COX7A2L: variants seen among roughly 807,000 people sequenced by gnomAD.
The protein encoded by COX7A2L is cytochrome c oxidase subunit 7A2-like, mitochondrial.
COX7A2L carries 18 observed loss-of-function variants against 14.2 expected under a neutral mutation model. That is an observed-to-expected ratio of 1.27 (90% CI 0.88 to 1.88). The LOEUF is 1.88. Among genes scored for constraint, COX7A2L ranks in the 40% most tolerant of loss-of-function variants. COX7A2L has a pLI of 0.00. For missense variants in COX7A2L, 179 were observed against 138.8 expected (o/e 1.29, Z -1.46); for synonymous variants, 65 against 57.4 (o/e 1.13, Z -0.60).
rs1670574607 is a variant in COX7A2L, at chr2:42,349,524, A to G, written c.*1695T>C. 1 of 152,226 alleles carries G rather than the reference A, an allele frequency of 6.6e-6. No homozygotes were observed. Among genetic ancestry groups the G allele is most frequent in the African/African-American group, 2.4e-5 (1 of 41,450 alleles). 9.4% of individuals were successfully genotyped at this position (152,226 alleles called of 1,614,324 possible). ...TTTAGGGTGATATAAGTGTTCTAAAATTGATTCTCATGGTGGCTGTACAAC... is the reference window on the plus strand; with the variant it reads ...TTTAGGGTGATATAAGTGTTCTAAAGTTGATTCTCATGGTGGCTGTACAAC... On this transcript the variant is annotated 3_prime_UTR_variant, in exon 3 of 3. Coordinates refer to ENST00000234301, the MANE Select transcript of COX7A2L (RefSeq NM_004718.4).
In COX7A2L at chr2:42,336,808, G is replaced by A. The variant is rs572878360; in HGVS notation, c.193-2939C>T. 5.3e-4 allele frequency among the ~76,000 whole-genome samples: 73 copies of A among 137,008 alleles called. 1 individual carries two copies. The highest frequency in any genetic ancestry group is 3.9e-4 in the Non-Finnish European group (25 of 63,624). 89.9% of individuals were successfully genotyped at this position (137,008 alleles called of 152,430 possible). ...TTGTGTTGCCACCACCTTCAAAGTG[G>A]CAGCCAGTGTGAATCCTGGGGAGTT... On this transcript the variant is annotated intron_variant, in intron 2 of 2. Coordinates refer to the COX7A2L transcript ENST00000468711.
intron 2 of COX7A2L, among the ~76,000 whole-genome samples, chr2:42,352,124 G>A (rs1009144263): frequency 6.6e-6 from 1 of 152,066 alleles, no homozygotes; most frequent in Non-Finnish European, 1.5e-5. Flanking sequence ...CCGTCACACT[G>A]TTAAACCCAT....
rs560543685 is a variant in COX7A2L, at chr2:42,343,504, C to T, written c.193-9635G>A. Among the ~76,000 whole-genome samples, 10 of 152,338 alleles carry T rather than the reference C, an allele frequency of 6.6e-5. No individual in the cohort carries two copies. In the South Asian group the frequency reaches 8.3e-4, roughly 13 times the overall value. On this transcript the variant is annotated intron_variant, in intron 2 of 2. Transcript: ENST00000468711. ...AGCCAAAGATACCGGCCAATGATCC[C>T]GACAAGAGGAGCTCTAGGGACAGGG...
At chr2:42,363,697 C>A (rs1266172186), upstream of COX7A2L, among the ~76,000 whole-genome samples, 1 of 152,230 alleles carries the variant, frequency 6.6e-6, no homozygotes, top group Non-Finnish European at 1.5e-5. Flanking sequence ...TACTAAGGCA[C>A]CCTATTCTCA....
intron 1 of COX7A2L, among the ~76,000 whole-genome samples, chr2:42,360,760 G>A (rs1309246631): frequency 7.2e-5 from 11 of 152,148 alleles, no homozygotes; most frequent in African/African-American, 2.4e-4. Context: ...TCGAATTGAG[G>A]GAGAAGGCCG....
chr2:42,346,060 C>A (rs549858438), downstream of COX7A2L, among the ~76,000 whole-genome samples: 1 of 152,270 alleles, frequency 6.6e-6, no homozygotes, highest in East Asian at 1.9e-4. Flanking sequence ...AAGAATAGGG[C>A]AGCCTGCACT....
At chr2:42,352,394 T>C (rs1371442331) in intron 2 of COX7A2L, among the ~76,000 whole-genome samples, 2 of 152,104 alleles carry the variant, frequency 1.3e-5, no homozygotes, top group East Asian at 3.9e-4. Context: ...GCAATCCTCC[T>C]ACCTTGGCCT....
At chr2:42,341,096 CA>C (rs1670396445) in intron 2 of COX7A2L, among the ~76,000 whole-genome samples, 1 of 152,124 alleles carries the variant, frequency 6.6e-6, no homozygotes, top group Admixed American at 6.6e-5. Flanking sequence ...AGAAAACAAA[CA>C]GAAAAAATAT....
At chr2:42,355,701 T>C (rs557836257) in intron 1 of COX7A2L, among the ~76,000 whole-genome samples, 2 of 147,612 alleles carry the variant, frequency 1.4e-5, no homozygotes, top group Non-Finnish European at 3.0e-5. Flanking sequence ...ACAGTCACAG[T>C]GTAAAATCCT....
rs1320740604 is a variant in COX7A2L at position 42,349,520 on chromosome 2, T to C, written c.*1699A>G. On this transcript the variant is annotated 3_prime_UTR_variant, in exon 3 of 3. Coordinates refer to ENST00000234301, the MANE Select transcript of COX7A2L (RefSeq NM_004718.4). ...TCTTTTTAGGGTGATATAAGTGTTC[T>C]AAAATTGATTCTCATGGTGGCTGTA... 2 of 152,224 alleles carry C rather than the reference T, an allele frequency of 1.3e-5. No individual in the cohort carries two copies. Among genetic ancestry groups the C allele is most frequent in the Non-Finnish European group, 2.9e-5 (2 of 68,050 alleles). 9.4% of individuals were successfully genotyped at this position (152,224 alleles called of 1,614,324 possible). A position where few individuals can be genotyped will look rare whatever the true frequency, so the allele number is the denominator to read the frequency against.
chr2:42,356,032 G>GT (rs371739114), intron 1 of COX7A2L, among the ~76,000 whole-genome samples: 44 of 151,552 alleles, frequency 2.9e-4, no homozygotes, highest in African/African-American at 6.5e-4. Context: ...GGCCCATTCT[G>GT]TTTTTTTTCC....
intron 2 of COX7A2L, among the ~76,000 whole-genome samples, chr2:42,336,952 C>T (rs531066070): frequency 1.3e-5 from 2 of 152,250 alleles, no homozygotes; most frequent in African/African-American, 4.8e-5. Flanking sequence ...AAGATTAGCC[C>T]CTGCCCTCAC....
chr2:42,347,724 C>T (rs985907606), downstream of COX7A2L, among the ~76,000 whole-genome samples: 1 of 152,168 alleles, frequency 6.6e-6, no homozygotes, highest in Non-Finnish European at 1.5e-5. Flanking sequence ...GAGTTCAAGA[C>T]CAGCCTGACC....
intron 1 of COX7A2L, among the ~76,000 whole-genome samples, chr2:42,353,849 G>A (rs534643442): frequency 3.6e-4 from 55 of 152,270 alleles, no homozygotes; most frequent in African/African-American, 1.2e-3. Context: ...TTTTCGAAAT[G>A]AACTTTTCAG....
At chr2:42,358,318 C>T (rs1164689182) in intron 1 of COX7A2L, among the ~76,000 whole-genome samples, 1 of 152,218 alleles carries the variant, frequency 6.6e-6, no homozygotes, top group Non-Finnish European at 1.5e-5. Context: ...AGATGCCTTT[C>T]AACCAATGGA....
chr2:42,364,858 T>C (rs1165712046), upstream of COX7A2L, among the ~76,000 whole-genome samples: 15 of 152,178 alleles, frequency 9.9e-5, no homozygotes, highest in African/African-American at 1.9e-4. Flanking sequence ...GATGAACATA[T>C]TGACATCAAC....
intron 1 of COX7A2L, among the ~76,000 whole-genome samples, chr2:42,366,795 C>T (rs1299404961): frequency 6.6e-6 from 1 of 152,178 alleles, no homozygotes. Context: ...CTACAAATCT[C>T]TCCATTTCCC....
At position 42,339,220 on chromosome 2, in the gene COX7A2L, C is replaced by T. The variant is rs1486211952; in HGVS notation, c.193-5351G>A. On this transcript the variant is annotated intron_variant, in intron 2 of 2. Transcript: ENST00000468711. The surrounding 1 kb of genome is among the most constrained non-coding windows in gnomAD (Gnocchi z 5.4). ...TATTAACCATTATCAAGTTTAAACACAAGGATTTGCCAGGGAGGGCACTCA... is the reference window on the plus strand; with the variant it reads ...TATTAACCATTATCAAGTTTAAACATAAGGATTTGCCAGGGAGGGCACTCA... Among the ~76,000 whole-genome samples, 3 of 152,156 alleles carry T rather than the reference C, an allele frequency of 2.0e-5. No individual in the cohort carries two copies. Among genetic ancestry groups the T allele is most frequent in the African/African-American group, 7.2e-5 (3 of 41,418 alleles).
chr2:42,352,941 C>CT, intron 2 of COX7A2L: 4 of 494,256 alleles, frequency 8.1e-6, no homozygotes, highest in African/African-American at 2.0e-5. Flanking sequence ...TTGCTTCTTC[C>CT]ATGCAATAAA....
Sources: allele counts gnomAD v4.1 joint callset (sites outside exome capture counted in the v4.1 genomes callset), GRCh38; gene constraint gnomAD v4.1.1; non-coding constraint Gnocchi (gnomAD v3.1); transcripts MANE v1.5; gene names NCBI Gene and HGNC (gene_info 2026-07-23, HGNC 2026-07-21).